BICC1: variants seen among roughly 807,000 people sequenced by gnomAD.
BICC1 encodes protein bicaudal C homolog 1.
BICC1 carries 43 observed loss-of-function variants against 111.0 expected under a neutral mutation model. The ratio of observed to expected loss-of-function variants is 0.39; its 90% CI spans 0.30 to 0.50. The LOEUF is 0.50. Ranked by LOEUF, BICC1 falls within the 20% of genes least tolerant of loss-of-function variation. BICC1 has a pLI of 0.88. For missense variants in BICC1, 1,091 were observed against 1,203.2 expected (o/e 0.91, Z 1.38); for synonymous variants, 467 against 434.4 (o/e 1.07, Z -0.93).
chr10:58,513,719 G>T (rs1034881879), intron 1 of BICC1, among the ~76,000 whole-genome samples: 1 of 152,202 alleles, frequency 6.6e-6, no homozygotes, highest in African/African-American at 2.4e-5. Context: ...TTCCCTGGCA[G>T]CCTCGAGTTC....
intron 1 of BICC1, among the ~76,000 whole-genome samples, chr10:58,523,907 A>G (rs918328343): frequency 2.6e-5 from 4 of 152,240 alleles, no homozygotes; most frequent in East Asian, 1.9e-4. Flanking sequence ...TTATACACCA[A>G]TAACAGACAA....
rs1841446585 is a variant in BICC1, at chr10:58,735,736, A to G, written c.307+33593A>G. On this transcript the variant is annotated intron_variant, in intron 3 of 20. Transcript: ENST00000373886. ...TGAGTTTCACAGTGAAATGTGAAAT[A>G]TTTAAGATCCTCAGTGAATATTGTT... 2.0e-5 allele frequency among the ~76,000 whole-genome samples: 3 copies of G among 152,236 alleles called. No individual in the cohort carries two copies. The South Asian group carries it at 6.2e-4, about 31-fold the overall frequency.
intron 18 of BICC1, among the ~76,000 whole-genome samples, chr10:58,816,227 C>T (rs560488238): frequency 2.7e-4 from 41 of 152,304 alleles, no homozygotes; most frequent in Non-Finnish European, 5.3e-4. Flanking sequence ...ATTTGCTTAT[C>T]GCAGTCCACT....
At position 58,800,273 on chromosome 10, in the gene BICC1, C is replaced by T; in HGVS notation, c.1805C>T (p.Ser602Phe). The T allele has an allele frequency of 6.2e-7, 1 of 1,613,648 alleles. No homozygotes were observed. The highest frequency in any genetic ancestry group is 8.5e-7 in the Non-Finnish European group (1 of 1,179,768). ...KVLSANHGDP[S>F]IQTSGSEQTS... ...CTGAGTGCAAATCACGGGGATCCGTCCATCCAGACAAGTGGGTCTGAGCAG... is the reference window on the plus strand; with the variant it reads ...CTGAGTGCAAATCACGGGGATCCGTTCATCCAGACAAGTGGGTCTGAGCAG... The change falls in exon 13 of 21, where the codon TCC becomes TTC. Residue 602 changes from serine (S) to phenylalanine (F), a missense_variant. Ser to Phe is a radical substitution (Grantham distance 155, BLOSUM62 -2). Around this residue, in one of 3 missense-constraint regions of BICC1, gnomAD observed 843 missense variants for 900.8 expected, o/e 0.94. Coordinates refer to ENST00000373886, the MANE Select transcript of BICC1 (RefSeq NM_001080512.3).
Position 58,756,737 on chromosome 10 carries a change from A to C in BICC1, c.308-28264A>C, listed in dbSNP as rs543896467. Among the ~76,000 whole-genome samples the C allele has an allele frequency of 6.0e-5, 9 of 149,922 alleles. No individual in the cohort carries two copies. In the South Asian group the frequency reaches 1.9e-3, roughly 32 times the overall value. ...CCTTTGTGAGGAAGCGTAGCAGTTT[A>C]ATATCGAACAAAGGCATGTTTGAGC... On this transcript the variant is annotated intron_variant, in intron 3 of 20. Coordinates refer to ENST00000373886, the MANE Select transcript of BICC1 (RefSeq NM_001080512.3).
intron 1 of BICC1, among the ~76,000 whole-genome samples, chr10:58,524,124 C>G (rs1188551577): frequency 6.6e-6 from 1 of 152,048 alleles, no homozygotes; most frequent in Non-Finnish European, 1.5e-5. Context: ...GGCCATACTG[C>G]CCAAGGTAAT....
chr10:58,812,038 T>C (rs1007727214), intron 17 of BICC1, among the ~76,000 whole-genome samples: 10 of 152,148 alleles, frequency 6.6e-5, no homozygotes, highest in Admixed American at 3.3e-4. Flanking sequence ...ATCACAGGAC[T>C]TTACACAGAG....
At chr10:58,783,457 T>C (rs1842932837) in intron 3 of BICC1, among the ~76,000 whole-genome samples, 1 of 152,006 alleles carries the variant, frequency 6.6e-6, no homozygotes, top group African/African-American at 2.4e-5. Context: ...CTGTGGCGTT[T>C]TCACCTAGGC....
chr10:58,611,350 T>C (rs1198727545), intron 1 of BICC1, among the ~76,000 whole-genome samples: 1 of 152,232 alleles, frequency 6.6e-6, no homozygotes, highest in East Asian at 1.9e-4. Flanking sequence ...TTCAGTCTTT[T>C]TTCTAACACA....
intron 8 of BICC1, among the ~76,000 whole-genome samples, chr10:58,792,957 A>G (rs71508115): frequency 0.038 from 5,762 of 152,178 alleles, 173 homozygotes; most frequent in Non-Finnish European, 0.052. Flanking sequence ...AGATCCTCTT[A>G]AAGGATCGTT....
intron 1 of BICC1, among the ~76,000 whole-genome samples, chr10:58,551,668 C>A (rs904926619): frequency 2.6e-5 from 4 of 152,256 alleles, no homozygotes; most frequent in African/African-American, 9.6e-5. Context: ...CCCACCCAGC[C>A]CCTGGTAACC....
chr10:58,602,623 A>C (rs990106421), intron 1 of BICC1, among the ~76,000 whole-genome samples: 2 of 152,168 alleles, frequency 1.3e-5, no homozygotes, highest in Non-Finnish European at 2.9e-5. Context: ...TTTTCAAACT[A>C]AATGTCTTGA....
intron 2 of BICC1, among the ~76,000 whole-genome samples, chr10:58,644,236 A>G (rs976205480): frequency 2.0e-5 from 3 of 152,192 alleles, no homozygotes; most frequent in African/African-American, 2.4e-5. Flanking sequence ...CACTTGCTAC[A>G]GAAGAGATCT....
intron 18 of BICC1, 88 bp downstream of exon 18, chr10:58,814,074 CT>C: frequency 6.8e-7 from 1 of 1,463,254 alleles, no homozygotes; most frequent in Admixed American, 1.7e-5. Context: ...TGTGGCCTCT[CT>C]GACTTCAAGT....
chr10:58,739,586 T>G (rs1242125856), intron 3 of BICC1, among the ~76,000 whole-genome samples: 1 of 152,022 alleles, frequency 6.6e-6, no homozygotes, highest in Non-Finnish European at 1.5e-5. Context: ...TCTCCAACAA[T>G]TCTTACATGG....
At chr10:58,593,511 G>A (rs1358192526) in intron 1 of BICC1, among the ~76,000 whole-genome samples, 2 of 152,204 alleles carry the variant, frequency 1.3e-5, no homozygotes, top group East Asian at 3.9e-4. Context: ...CATCTGGCAG[G>A]TGCCCCTCTG....
intron 1 of BICC1, among the ~76,000 whole-genome samples, chr10:58,516,463 A>G (rs1384090610): frequency 6.7e-6 from 1 of 150,206 alleles, no homozygotes; most frequent in African/African-American, 2.5e-5. Context: ...CACCAGGCCA[A>G]CAATGTAGGG....
At chr10:58,776,684 A>C (rs1316284054) in intron 3 of BICC1, among the ~76,000 whole-genome samples, 1 of 152,010 alleles carries the variant, frequency 6.6e-6, no homozygotes. Flanking sequence ...AGAGTTGCCC[A>C]TCTCCCTCTC....
chr10:58,680,322 A>G (rs1839478782), intron 2 of BICC1, among the ~76,000 whole-genome samples: 1 of 152,234 alleles, frequency 6.6e-6, no homozygotes, highest in Admixed American at 6.5e-5. Flanking sequence ...TAAGCTGATA[A>G]GCAGCTTCAG....
Sources: allele counts gnomAD v4.1 joint callset (sites outside exome capture counted in the v4.1 genomes callset), GRCh38; gene constraint gnomAD v4.1.1; regional missense constraint gnomAD v4.1.1; transcripts MANE v1.5; gene names NCBI Gene and HGNC (gene_info 2026-07-23, HGNC 2026-07-21).